Variants in SLC25A48 observed in about 807,000 individuals in gnomAD.
The protein encoded by SLC25A48 is solute carrier family 25 member 48, also known as CTC-321K16.1.
A neutral mutation model predicts 32.2 loss-of-function variants in SLC25A48; 29 were observed. The ratio of observed to expected loss-of-function variants is 0.90; its 90% CI spans 0.67 to 1.23. The LOEUF is 1.23. Among genes scored for constraint, SLC25A48 ranks in the 50% most tolerant of loss-of-function variants. SLC25A48 has a pLI of 0.00. For missense variants in SLC25A48, 399 were observed against 422.7 expected (o/e 0.94, Z 0.49); for synonymous variants, 164 against 172.3 (o/e 0.95, Z 0.38).
At chr5:135,817,258 G>C (rs1356350498) in intron 4 of SLC25A48, among the ~76,000 whole-genome samples, 1 of 152,188 alleles carries the variant, frequency 6.6e-6, no homozygotes, top group Non-Finnish European at 1.5e-5. Flanking sequence ...ACAGTGCACA[G>C]GACAATGGCC....
intron 3 of SLC25A48, among the ~76,000 whole-genome samples, chr5:135,645,131 C>T (rs937478346): frequency 1.3e-5 from 2 of 152,168 alleles, no homozygotes; most frequent in Non-Finnish European, 2.9e-5. Flanking sequence ...CGTACGGGAG[C>T]GTTGATATAA....
intron 3 of SLC25A48, among the ~76,000 whole-genome samples, chr5:135,739,437 C>T (rs1468714157): frequency 1.3e-5 from 2 of 152,194 alleles, no homozygotes; most frequent in Non-Finnish European, 2.9e-5. Context: ...ACAACTTACA[C>T]ACTCCCTGGC....
intron 3 of SLC25A48, among the ~76,000 whole-genome samples, chr5:135,737,208 T>C (rs1417305523): frequency 6.7e-6 from 1 of 150,086 alleles, no homozygotes; most frequent in Non-Finnish European, 1.5e-5. Flanking sequence ...GGAGATGGGG[T>C]GGGGCCGTTT....
At chr5:135,863,707 T>G (rs892468971) in intron 4 of SLC25A48, among the ~76,000 whole-genome samples, 3 of 152,182 alleles carry the variant, frequency 2.0e-5, no homozygotes, top group Non-Finnish European at 4.4e-5. Flanking sequence ...AATTTGTCCA[T>G]GCTCACATAA....
In SLC25A48 at chr5:135,888,166, A is replaced by G; in HGVS notation, c.*142A>G. On this transcript the variant is annotated 3_prime_UTR_variant, in exon 8 of 8. Transcript: ENST00000681962. ...AAGCGTGGGCTAGGATGGTGCAGACACTGACGTGGCCCTTCTGATGCCTGG... is the reference window on the plus strand; with the variant it reads ...AAGCGTGGGCTAGGATGGTGCAGACGCTGACGTGGCCCTTCTGATGCCTGG... 1 of 1,400,596 alleles carries G rather than the reference A, an allele frequency of 7.1e-7. No individual in the cohort carries two copies. The highest frequency in any genetic ancestry group is 9.8e-7 in the Non-Finnish European group (1 of 1,016,000). 86.8% of individuals were successfully genotyped at this position (1,400,596 alleles called of 1,614,324 possible). A position where few individuals can be genotyped will look rare whatever the true frequency, so the allele number is the denominator to read the frequency against.
intron 3 of SLC25A48, among the ~76,000 whole-genome samples, chr5:135,752,184 C>A (rs1015450564): frequency 9.2e-5 from 14 of 152,242 alleles, no homozygotes; most frequent in African/African-American, 3.1e-4. Context: ...AAAATCTCAT[C>A]AAAATTAAGA....
intron 3 of SLC25A48, among the ~76,000 whole-genome samples, chr5:135,735,326 C>T (rs1409065657): frequency 6.6e-6 from 1 of 152,028 alleles, no homozygotes; most frequent in Non-Finnish European, 1.5e-5. Flanking sequence ...GGTTTGAGGG[C>T]CGGATTCTAA....
chr5:135,789,761 C>T (rs373817620), intron 3 of SLC25A48, among the ~76,000 whole-genome samples: 22 of 151,906 alleles, frequency 1.4e-4, no homozygotes, highest in Non-Finnish European at 2.8e-4. Context: ...TATTACTTCT[C>T]GATTGTACCT....
chr5:135,861,849 C>T (rs1176213670), intron 4 of SLC25A48, among the ~76,000 whole-genome samples: 2 of 152,200 alleles, frequency 1.3e-5, no homozygotes, highest in Non-Finnish European at 2.9e-5. Flanking sequence ...CAGTTGCTTA[C>T]ATTTAAAGGG....
chr5:135,695,424 T>C (rs1275932071), intron 3 of SLC25A48, among the ~76,000 whole-genome samples: 1 of 152,264 alleles, frequency 6.6e-6, no homozygotes, highest in Non-Finnish European at 1.5e-5. Context: ...AAAAATTTGC[T>C]GGGTTTCCTG....
At chr5:135,715,388 G>A (rs1276064572) in intron 3 of SLC25A48, among the ~76,000 whole-genome samples, 2 of 152,186 alleles carry the variant, frequency 1.3e-5, no homozygotes, top group East Asian at 3.9e-4. Flanking sequence ...TCCTAGTCAG[G>A]GTGGTACAGC....
chr5:135,589,183 G>T (rs1472643516), intron 1 of SLC25A48, among the ~76,000 whole-genome samples: 2 of 152,242 alleles, frequency 1.3e-5, no homozygotes, highest in Non-Finnish European at 1.5e-5. Flanking sequence ...GCCTAGGGAG[G>T]TTTAAAAGGT....
chr5:135,593,725 G>A (rs1236139970), intron 1 of SLC25A48, among the ~76,000 whole-genome samples: 1 of 152,214 alleles, frequency 6.6e-6, no homozygotes, highest in African/African-American at 2.4e-5. Flanking sequence ...ATTAGATCTT[G>A]TACTTAGATT....
chr5:135,790,008 T>C (rs972158774), intron 3 of SLC25A48, among the ~76,000 whole-genome samples: 2 of 151,874 alleles, frequency 1.3e-5, no homozygotes, highest in African/African-American at 4.8e-5. Flanking sequence ...GGGTGTACAC[T>C]CCCTGTGAAA....
At chr5:135,591,857 C>T (rs924210743) in intron 1 of SLC25A48, among the ~76,000 whole-genome samples, 3 of 152,242 alleles carry the variant, frequency 2.0e-5, no homozygotes, top group African/African-American at 7.2e-5. Flanking sequence ...TCCTTGCTCC[C>T]TCCCTCCTGC....
At chr5:135,826,128 C>T (rs981482487) in intron 4 of SLC25A48, 3 of 152,512 alleles carry the variant, frequency 2.0e-5, no homozygotes, top group Admixed American at 6.5e-5. Flanking sequence ...TCCTACCCCC[C>T]TTACCCAGCA....
chr5:135,680,120 C>T lies in SLC25A48; in HGVS notation c.-521+45164C>T, dbSNP rs148087699. ...TTGCTTTAGGTGTCTGTAGTCACTA[C>T]TCTTTTGAATTCAAGTGTTCTTTCT... On this transcript the variant is annotated intron_variant, in intron 3 of 10. Transcript: ENST00000646290. Among the ~76,000 whole-genome samples, 999 of 152,280 alleles carry T rather than the reference C, an allele frequency of 6.6e-3. 4 individuals carry two copies. The highest frequency in any genetic ancestry group is 0.011 in the Non-Finnish European group (715 of 68,024).
chr5:135,733,838 A>G (rs1298494557), intron 3 of SLC25A48, among the ~76,000 whole-genome samples: 4 of 152,082 alleles, frequency 2.6e-5, no homozygotes, highest in African/African-American at 4.8e-5. Context: ...TTTAGGATTT[A>G]TGGGGTCAGC....
chr5:135,663,843 A>G (rs905677324), intron 3 of SLC25A48, among the ~76,000 whole-genome samples: 4 of 152,104 alleles, frequency 2.6e-5, no homozygotes, highest in African/African-American at 9.7e-5. Context: ...AAATCTCATG[A>G]CAGACAAGTT....
Sources: gnomAD v4.1 joint callset for allele counts (sites outside exome capture counted in the v4.1 genomes callset) on GRCh38, gnomAD v4.1.1 for gene constraint, MANE v1.5 for transcripts, NCBI Gene and HGNC (gene_info 2026-07-23, HGNC 2026-07-21) for gene names.